Variants in PTPRS observed in about 807,000 individuals in gnomAD.
PTPRS encodes protein tyrosine phosphatase receptor type S.
In PTPRS, 63 loss-of-function variants were observed where a neutral mutation model predicts 215.3. The observed-to-expected ratio is 0.29, with a 90% CI of 0.24 to 0.36. The LOEUF is 0.36. Ranked by LOEUF, PTPRS falls within the 10% of genes least tolerant of loss-of-function variation. The pLI, the probability that PTPRS is intolerant of heterozygous loss-of-function variation, is 1.00. For synonymous variants in PTPRS, 1,404 were observed against 1,191.4 expected, an observed-to-expected ratio of 1.18 and a Z score of -3.68; for missense variants, 2,258 against 2,825.8, an observed-to-expected ratio of 0.80 and a Z score of 4.56.
chr19:5,256,690 C>T (rs1169463868), intron 8 of PTPRS, among the ~76,000 whole-genome samples: 3 of 152,124 alleles, frequency 2.0e-5, no homozygotes, highest in African/African-American at 4.8e-5. Flanking sequence ...CCAGAGGTGC[C>T]GTGACAGTGG....
intron 1 of PTPRS, among the ~76,000 whole-genome samples, chr19:5,330,934 A>G (rs1314948513): frequency 1.3e-5 from 2 of 152,088 alleles, no homozygotes; most frequent in Non-Finnish European, 2.9e-5. Context: ...GACAGGGGCA[A>G]TTACCCACTT....
Position 5,237,820 on chromosome 19 carries a change from G to C in PTPRS, c.1849+1099C>G, listed in dbSNP as rs2043604079. Among the ~76,000 whole-genome samples, 1 of 152,114 alleles carries C rather than the reference G, an allele frequency of 6.6e-6. No individual in the cohort carries two copies. Among genetic ancestry groups the C allele is most frequent in the Admixed American group, 6.6e-5 (1 of 15,266 alleles). ...CCAGGTGCTCAGCTCGGCTTGGTTT[G>C]TGGGGAGCAGGAAGGAGGGAAGGGG... On this transcript the variant is annotated intron_variant, in intron 13 of 37. Transcript: ENST00000262963. The surrounding 1 kb of genome is among the most constrained non-coding windows in gnomAD (Gnocchi z 4.2).
intron 1 of PTPRS, among the ~76,000 whole-genome samples, chr19:5,313,890 A>G (rs973068184): frequency 1.3e-5 from 2 of 152,076 alleles, no homozygotes; most frequent in Non-Finnish European, 2.9e-5. Context: ...TGAGCCCAGC[A>G]GTTCAAGACC....
rs774544595 is a variant in PTPRS at position 5,287,519 on chromosome 19, G to A, written c.-94-1285C>T. Among the ~76,000 whole-genome samples the A allele has an allele frequency of 6.6e-6, 1 of 152,316 alleles. No homozygotes were observed. Among genetic ancestry groups the A allele is most frequent in the African/African-American group, 2.4e-5 (1 of 41,574 alleles). ...TCAGAGGGCCAGGGAGGGGAAGGGA[G>A]AGGCCCAAGGATAAGATCTTTGTTG... On this transcript the variant is annotated intron_variant, in intron 1 of 37. Transcript: ENST00000262963. The surrounding 1 kb of genome is among the most constrained non-coding windows in gnomAD (Gnocchi z 4.8).
intron 12 of PTPRS, 101 bp from the exon 13 acceptor site, chr19:5,239,164 GGAGAGAGA>G (rs36138461): frequency 1.4e-4 from 61 of 433,646 alleles, no homozygotes; most frequent in South Asian, 6.1e-4. Flanking sequence ...GGGGGGAGGG[GGAGAGAGA>G]GAGAGAGAGA....
chr19:5,268,615 G>A (rs1377310169), intron 4 of PTPRS, among the ~76,000 whole-genome samples: 2 of 152,102 alleles, frequency 1.3e-5, no homozygotes, highest in African/African-American at 4.8e-5. Flanking sequence ...CGAGAGAGCG[G>A]CAGTTCCAGC....
intron 1 of PTPRS, among the ~76,000 whole-genome samples, chr19:5,340,358 C>G (rs1284867997): frequency 1.3e-5 from 2 of 151,386 alleles, no homozygotes; most frequent in Admixed American, 1.3e-4. Flanking sequence ...CAATGCCGCG[C>G]TCTGGGCGCT....
chr19:5,224,523 G>T (rs79253058), intron 17 of PTPRS, among the ~76,000 whole-genome samples: 1 of 152,138 alleles, frequency 6.6e-6, no homozygotes. Context: ...TCAATGTGCC[G>T]AGAGAGGTTC....
chr19:5,340,427 G>A (rs2050656512), intron 1 of PTPRS, among the ~76,000 whole-genome samples: 1 of 146,250 alleles, frequency 6.8e-6, no homozygotes, highest in Non-Finnish European at 1.5e-5. Context: ...CCTGCCGAGC[G>A]CCCCCAGCGC....
At chr19:5,305,367 G>A (rs2049447460) in intron 1 of PTPRS, among the ~76,000 whole-genome samples, 1 of 151,908 alleles carries the variant, frequency 6.6e-6, no homozygotes, top group East Asian at 2.0e-4. Context: ...GCAACACAGC[G>A]AGACCCTGTC....
intron 20 of PTPRS, among the ~76,000 whole-genome samples, chr19:5,220,787 T>C (rs1242399861): frequency 1.3e-5 from 2 of 152,022 alleles, no homozygotes; most frequent in Non-Finnish European, 2.9e-5. Context: ...ATATGGGGTA[T>C]CAGGAAATGC....
intron 37 of PTPRS, 40 bp from the exon 38 acceptor site, chr19:5,206,882 C>CT (rs747944140): frequency 8.2e-6 from 13 of 1,586,618 alleles, no homozygotes; most frequent in Middle Eastern, 3.3e-4. Flanking sequence ...CTCCGCTGCT[C>CT]TAACGCCTCC....
Position 5,287,832 on chromosome 19 carries a change from C to T in PTPRS, c.-94-1598G>A, listed in dbSNP as rs2048475753. Among the ~76,000 whole-genome samples, 1 of 152,116 alleles carries T rather than the reference C, an allele frequency of 6.6e-6. No homozygotes were observed. The highest frequency in any genetic ancestry group is 1.5e-5 in the Non-Finnish European group (1 of 68,018). On this transcript the variant is annotated intron_variant, in intron 1 of 37. Transcript: ENST00000262963. The surrounding 1 kb of genome is among the most constrained non-coding windows in gnomAD (Gnocchi z 4.8). ...ACAGAGAACGATGCCTGCTAAATCACGCCACAGACATACACAGATGCACAC... is the reference window on the plus strand; with the variant it reads ...ACAGAGAACGATGCCTGCTAAATCATGCCACAGACATACACAGATGCACAC...
intron 13 of PTPRS, among the ~76,000 whole-genome samples, chr19:5,235,014 C>T (rs2145752482): frequency 6.6e-6 from 1 of 150,916 alleles, no homozygotes; most frequent in South Asian, 2.1e-4. Context: ...GATCTCGGCT[C>T]ACTGCAAGCT....
intron 4 of PTPRS, chr19:5,273,107 C>G: frequency 3.2e-6 from 1 of 313,050 alleles, no homozygotes; most frequent in South Asian, 3.5e-5. Flanking sequence ...CTGAAGCCAG[C>G]CACTCCATGG....
At chr19:5,283,396 G>A (rs897724205) in intron 2 of PTPRS, among the ~76,000 whole-genome samples, 2 of 152,172 alleles carry the variant, frequency 1.3e-5, no homozygotes, top group Non-Finnish European at 2.9e-5. Context: ...GGCCAATGTG[G>A]TGAAACCCCA....
rs1269361080 is a variant in PTPRS at position 5,338,565 on chromosome 19, G to C, written c.-95+2099C>G. Among the ~76,000 whole-genome samples the C allele has an allele frequency of 1.3e-5, 2 of 152,196 alleles. No homozygotes were observed. The highest frequency in any genetic ancestry group is 4.8e-5 in the African/African-American group (2 of 41,456). ...GGGACTCAGTCAGGCCCAAGCTGGG[G>C]GGCTGTGGGATTTGAGGGCGGGAAG... On this transcript the variant is annotated intron_variant, in intron 1 of 37. Coordinates refer to ENST00000262963, the MANE Select transcript of PTPRS (RefSeq NM_002850.4). This position sits in a 1 kb window ranked among gnomAD's most constrained non-coding sequence, Gnocchi z 4.2.
At position 5,294,883 on chromosome 19, in the gene PTPRS, C is replaced by T. The variant is rs1247777901; in HGVS notation, c.-94-8649G>A. Among the ~76,000 whole-genome samples the T allele has an allele frequency of 6.6e-6, 1 of 152,168 alleles. No individual in the cohort carries two copies. Among genetic ancestry groups the T allele is most frequent in the Non-Finnish European group, 1.5e-5 (1 of 68,022 alleles). ...AGGTGCTAAACACAGGATGCCGTGA[C>T]GTCCCCCGTCCCACGCAGCCCCATC... On this transcript the variant is annotated intron_variant, in intron 1 of 37. Transcript: ENST00000262963. This position sits in a 1 kb window ranked among gnomAD's most constrained non-coding sequence, Gnocchi z 5.1.
Position 5,321,979 on chromosome 19 carries a change from G to T in PTPRS, c.-95+18685C>A, listed in dbSNP as rs115004941. On this transcript the variant is annotated intron_variant, in intron 1 of 37. Transcript: ENST00000262963. ...CATTTCACAAATAAACTGAGGCTCA[G>T]AGAAATTTAACCATTTATCCAAACC... 9.8e-3 allele frequency among the ~76,000 whole-genome samples: 1,492 copies of T among 152,322 alleles called. 22 individuals carry two copies. Among genetic ancestry groups the T allele is most frequent in the African/African-American group, 0.035 (1,441 of 41,574 alleles).
Sources: gnomAD v4.1 joint callset for allele counts (sites outside exome capture counted in the v4.1 genomes callset) on GRCh38, gnomAD v4.1.1 for gene constraint, Gnocchi (gnomAD v3.1) non-coding constraint, MANE v1.5 for transcripts, NCBI Gene and HGNC (gene_info 2026-07-23, HGNC 2026-07-21) for gene names.